The following NRXN1 variants were observed in gnomAD, a reference collection of about 807,000 sequenced individuals.
NRXN1 encodes the protein neurexin 1.
NRXN1 carries 39 observed loss-of-function variants against 150.9 expected under a neutral mutation model. The observed-to-expected ratio is 0.26, with a 90% CI of 0.20 to 0.34. The LOEUF is 0.34. NRXN1 is among the 10% of genes least tolerant of loss of function. The pLI is 1.00. For missense variants in NRXN1, 1,815 were observed against 1,949.9 expected, an observed-to-expected ratio of 0.93 and a Z score of 1.30; for synonymous variants, 924 against 757.0, an observed-to-expected ratio of 1.22 and a Z score of -3.62.
intron 18 of NRXN1, among the ~76,000 whole-genome samples, chr2:50,175,842 C>T (rs1458579144): frequency 6.6e-6 from 1 of 152,138 alleles, no homozygotes; most frequent in Non-Finnish European, 1.5e-5. Flanking sequence ...TTTCACTTTA[C>T]TTCTGATTTT....
intron 7 of NRXN1, 146 bp downstream of exon 7, chr2:50,621,080 G>A (rs1361165347): frequency 5.0e-6 from 3 of 602,092 alleles, no homozygotes; most frequent in African/African-American, 3.8e-5. Context: ...ATGAAAAGAA[G>A]GAGGTCAAAG....
chr2:49,969,074 A>G (rs1178361568), intron 21 of NRXN1, among the ~76,000 whole-genome samples: 1 of 152,138 alleles, frequency 6.6e-6, no homozygotes, highest in Admixed American at 6.6e-5. Flanking sequence ...AAATTCCTAA[A>G]GGCTAAGAAA....
At chr2:50,377,689 G>A (rs746901334) in intron 17 of NRXN1, among the ~76,000 whole-genome samples, 6 of 152,080 alleles carry the variant, frequency 3.9e-5, no homozygotes, top group Non-Finnish European at 7.4e-5. Flanking sequence ...AGTCCAGTTT[G>A]TGTTCTGCCA....
intron 10 of NRXN1, among the ~76,000 whole-genome samples, chr2:50,533,950 T>C (rs961863775): frequency 3.9e-5 from 6 of 152,158 alleles, no homozygotes; most frequent in African/African-American, 1.4e-4. Flanking sequence ...TTCTTGTTTG[T>C]AGAGTATTAT....
At chr2:50,973,937 T>C (rs1695418950) in intron 2 of NRXN1, among the ~76,000 whole-genome samples, 1 of 152,102 alleles carries the variant, frequency 6.6e-6, no homozygotes, top group African/African-American at 2.4e-5. Context: ...TGGCATGTAA[T>C]GTGAGAGTAC....
intron 2 of NRXN1, among the ~76,000 whole-genome samples, chr2:50,995,828 G>C (rs1453187029): frequency 6.6e-6 from 1 of 152,014 alleles, no homozygotes; most frequent in East Asian, 1.9e-4. Flanking sequence ...ACTAAGCAAA[G>C]GCCTCCACTG....
intron 5 of NRXN1, among the ~76,000 whole-genome samples, chr2:50,656,055 C>A (rs542030767): frequency 1.4e-4 from 22 of 151,960 alleles, no homozygotes; most frequent in African/African-American, 5.3e-4. Context: ...CAAAATAAAT[C>A]TGGAATCTAA....
chr2:50,681,734 T>C (rs1429348727), intron 5 of NRXN1, among the ~76,000 whole-genome samples: 2 of 152,222 alleles, frequency 1.3e-5, no homozygotes, highest in African/African-American at 2.4e-5. Context: ...TATTTGATAC[T>C]AATAAATATA....
chr2:50,427,344 T>G (rs2104329754), intron 17 of NRXN1, among the ~76,000 whole-genome samples: 1 of 146,324 alleles, frequency 6.8e-6, no homozygotes, highest in East Asian at 2.1e-4. Context: ...GAGGGGAAGG[T>G]ATGCAACATA....
chr2:50,094,676 G>A (rs1312454984), intron 18 of NRXN1, among the ~76,000 whole-genome samples: 2 of 151,790 alleles, frequency 1.3e-5, no homozygotes, highest in African/African-American at 2.4e-5. Context: ...TGGACCCTAG[G>A]TTAGAGTCTG....
chr2:50,089,397 C>A (rs1243209788), intron 19 of NRXN1, among the ~76,000 whole-genome samples: 2 of 152,200 alleles, frequency 1.3e-5, no homozygotes, highest in African/African-American at 2.4e-5. Context: ...TGATGACTTT[C>A]TCTCAGCAAA....
chr2:50,865,580 A>ATGTGTGTGTGTG lies in NRXN1; in HGVS notation c.832+56277_832+56288dup, dbSNP rs112867077. ...TCTCTAAGTGGCTCCAAATATATAAATGTGTGTGTGTGTGTGTGTGTGTGT... is the reference window on the plus strand; with the variant it reads ...TCTCTAAGTGGCTCCAAATATATAAATGTGTGTGTGTGTGTGTGTGTGTGTGTGTGTGTGTGT... On this transcript the variant is annotated intron_variant, in intron 5 of 22. Transcript: ENST00000401669. Among the ~76,000 whole-genome samples the ATGTGTGTGTGTG allele has an allele frequency of 5.2e-3, 678 of 130,756 alleles. 4 individuals carry two copies. Among genetic ancestry groups the ATGTGTGTGTGTG allele is most frequent in the East Asian group, 0.029 (126 of 4,340 alleles). 85.8% of individuals were successfully genotyped at this position (130,756 alleles called of 152,430 possible).
chr2:50,267,703 C>T (rs1221394218), intron 17 of NRXN1, among the ~76,000 whole-genome samples: 1 of 152,174 alleles, frequency 6.6e-6, no homozygotes, highest in Admixed American at 6.5e-5. Context: ...ATCTTACACA[C>T]TGGATATTTA....
At chr2:50,995,391 G>A (rs1699114296) in intron 2 of NRXN1, among the ~76,000 whole-genome samples, 1 of 151,956 alleles carries the variant, frequency 6.6e-6, no homozygotes, top group Non-Finnish European at 1.5e-5. Flanking sequence ...TAGGTCAGGA[G>A]TTTGAGACCA....
chr2:49,940,355 T>A (rs186990901), intron 22 of NRXN1, among the ~76,000 whole-genome samples: 1 of 152,332 alleles, frequency 6.6e-6, no homozygotes, highest in East Asian at 1.9e-4. Flanking sequence ...TAATTTTTAT[T>A]TAAGTATTTC....
intron 12 of NRXN1, among the ~76,000 whole-genome samples, chr2:50,522,937 C>T (rs2058751): frequency 0.87 from 131,334 of 150,856 alleles, 57,493 homozygotes; most frequent in African/African-American, 0.94. Context: ...TTTCACCATG[C>T]TGGTCAGGCT....
At chr2:50,124,276 T>A (rs1185714712) in intron 18 of NRXN1, among the ~76,000 whole-genome samples, 1 of 152,132 alleles carries the variant, frequency 6.6e-6, no homozygotes, top group African/African-American at 2.4e-5. Flanking sequence ...GAATATTGAA[T>A]ACATTATTTA....
chr2:50,481,927 G>A (rs2090497761), intron 15 of NRXN1, among the ~76,000 whole-genome samples: 3 of 145,510 alleles, frequency 2.1e-5, no homozygotes, highest in Middle Eastern at 3.2e-3. Flanking sequence ...CACTACGCCC[G>A]GCTAATTTTT....
At chr2:50,352,776 T>TA (rs1478736717) in intron 17 of NRXN1, among the ~76,000 whole-genome samples, 3,719 of 83,868 alleles carry the variant, frequency 0.044, 147 homozygotes, top group African/African-American at 0.13. Context: ...ATAATAATAA[T>TA]ATTATAATAA....
Sources: allele counts gnomAD v4.1 joint callset (sites outside exome capture counted in the v4.1 genomes callset), GRCh38; gene constraint gnomAD v4.1.1; transcripts MANE v1.5; gene names NCBI Gene and HGNC (gene_info 2026-07-23, HGNC 2026-07-21).